Variants in ABHD17B observed in about 807,000 individuals in gnomAD.
ABHD17B encodes alpha/beta hydrolase domain-containing protein 17B.
Under a neutral mutation model 26.2 loss-of-function variants are expected in ABHD17B, and 9 were observed. The ratio of observed to expected loss-of-function variants is 0.34; its 90% CI spans 0.21 to 0.60. ABHD17B has a LOEUF of 0.60. ABHD17B is among the 20% of genes least tolerant of loss of function. The probability of loss-of-function intolerance (pLI) is 0.80; values close to 1 mark genes in which losing one functional copy is unlikely to be tolerated. For synonymous variants in ABHD17B, 127 were observed against 122.3 expected, an observed-to-expected ratio of 1.04 and a Z score of -0.25; for missense variants, 224 against 352.1, an observed-to-expected ratio of 0.64 and a Z score of 2.91.
At chr9:71,895,103 T>C (rs1040514582) in intron 1 of ABHD17B, among the ~76,000 whole-genome samples, 2 of 152,220 alleles carry the variant, frequency 1.3e-5, no homozygotes, top group Non-Finnish European at 2.9e-5. Flanking sequence ...GTTTAAAACT[T>C]TGCTAGGTTA....
chr9:71,902,120 C>A (rs1439589128), intron 1 of ABHD17B, among the ~76,000 whole-genome samples: 2 of 152,132 alleles, frequency 1.3e-5, no homozygotes, highest in Non-Finnish European at 2.9e-5. Context: ...CATCACTCCC[C>A]CTTCAAATAA....
At chr9:71,883,600 A>G (rs1826513885) in intron 1 of ABHD17B, among the ~76,000 whole-genome samples, 1 of 152,228 alleles carries the variant, frequency 6.6e-6, no homozygotes, top group Admixed American at 6.5e-5. Context: ...AAAGACAAAC[A>G]TTGGTAGATT....
chr9:71,868,308 T>C (rs984529492), intron 3 of ABHD17B, among the ~76,000 whole-genome samples: 5 of 152,204 alleles, frequency 3.3e-5, no homozygotes, highest in Non-Finnish European at 7.3e-5. Context: ...TAAATCTTGA[T>C]TGTCTGCTTA....
chr9:71,867,788 C>G (rs746804849), intron 3 of ABHD17B, among the ~76,000 whole-genome samples: 1 of 152,112 alleles, frequency 6.6e-6, no homozygotes, highest in South Asian at 2.1e-4. Context: ...GAGTTTAGAA[C>G]AGAGGTATCA....
At chr9:71,902,034 C>T (rs542677738) in intron 1 of ABHD17B, among the ~76,000 whole-genome samples, 1 of 152,254 alleles carries the variant, frequency 6.6e-6, no homozygotes, top group South Asian at 2.1e-4. Context: ...GGCTGTTCCT[C>T]GCTAAGAGAG....
intron 1 of ABHD17B, among the ~76,000 whole-genome samples, chr9:71,876,795 C>T (rs1826291481): frequency 6.6e-6 from 1 of 151,942 alleles, no homozygotes. Context: ...TTATAAGAAG[C>T]AGCAGAAAAA....
chr9:71,894,050 T>C (rs1220183369), intron 1 of ABHD17B, among the ~76,000 whole-genome samples: 3 of 122,718 alleles, frequency 2.4e-5, no homozygotes, highest in Non-Finnish European at 4.7e-5. Flanking sequence ...ATCGCACCAC[T>C]GCACTCCAGC....
chr9:71,890,249 C>A (rs1826743132), intron 1 of ABHD17B, among the ~76,000 whole-genome samples: 1 of 152,082 alleles, frequency 6.6e-6, no homozygotes, highest in African/African-American at 2.4e-5. Context: ...AAGTTTGTGC[C>A]ACAGCATTCC....
chr9:71,866,021 A>G lies in ABHD17B; in HGVS notation c.*766T>C. On this transcript the variant is annotated 3_prime_UTR_variant, in exon 4 of 4. Coordinates refer to ENST00000333421, the MANE Select transcript of ABHD17B (RefSeq NM_001025780.3). ...TCAAAATTTAAAACATCGTATACAAAATCATTCTTGAAATCTCTAAATGCC... is the reference window on the plus strand; with the variant it reads ...TCAAAATTTAAAACATCGTATACAAGATCATTCTTGAAATCTCTAAATGCC... 1.0e-6 allele frequency: 1 copy of G among 985,384 alleles called. No individual in the cohort carries two copies. The highest frequency in any genetic ancestry group is 4.7e-5 in the South Asian group (1 of 21,288). 61.0% of individuals were successfully genotyped at this position (985,384 alleles called of 1,614,324 possible).
At chr9:71,900,593 A>ACTCT (rs1457826513) in intron 1 of ABHD17B, among the ~76,000 whole-genome samples, 4 of 146,998 alleles carry the variant, frequency 2.7e-5, no homozygotes, top group Non-Finnish European at 5.9e-5. Flanking sequence ...CTGAGGTTGC[A>ACTCT]GTGAGCCAAG....
rs894177611 is a variant in ABHD17B, at chr9:71,903,574, C to A, written c.-4+7060G>T. Among the ~76,000 whole-genome samples, 9 of 152,244 alleles carry A rather than the reference C, an allele frequency of 5.9e-5. No individual in the cohort carries two copies. The East Asian group carries it at 1.5e-3, about 26-fold the overall frequency. On this transcript the variant is annotated intron_variant, in intron 1 of 3. Transcript: ENST00000333421. ...ACATATGGTAATTAATGGGCTAATA[C>A]CTGTAATATAATCTGAAGCTCTAGC...
intron 1 of ABHD17B, among the ~76,000 whole-genome samples, chr9:71,898,552 T>A (rs1024716645): frequency 4.0e-5 from 6 of 151,058 alleles, no homozygotes; most frequent in African/African-American, 1.5e-4. Flanking sequence ...GGCAGGAGAA[T>A]CGCTTGAACC....
intron 1 of ABHD17B, among the ~76,000 whole-genome samples, chr9:71,897,383 G>A (rs946431090): frequency 5.3e-5 from 8 of 152,164 alleles, no homozygotes; most frequent in Non-Finnish European, 1.0e-4. Flanking sequence ...TGGGTGTGGT[G>A]GCACACGCCT....
At chr9:71,886,367 C>G (rs551794144) in intron 1 of ABHD17B, among the ~76,000 whole-genome samples, 6 of 149,900 alleles carry the variant, frequency 4.0e-5, no homozygotes, top group Non-Finnish European at 7.4e-5. Flanking sequence ...TCAGGAGGAT[C>G]TCTTGAGGCC....
intron 1 of ABHD17B, among the ~76,000 whole-genome samples, chr9:71,907,230 G>C (rs1827311603): frequency 6.6e-6 from 1 of 152,098 alleles, no homozygotes; most frequent in Admixed American, 6.5e-5. Context: ...CCACCTAACA[G>C]TAAAAGTAAA....
chr9:71,891,469 A>T (rs1826782308), intron 1 of ABHD17B, among the ~76,000 whole-genome samples: 1 of 152,124 alleles, frequency 6.6e-6, no homozygotes, highest in South Asian at 2.1e-4. Flanking sequence ...ATATCTATAA[A>T]GCTTTTCTTT....
intron 1 of ABHD17B, among the ~76,000 whole-genome samples, chr9:71,876,769 C>T (rs1298241785): frequency 6.6e-6 from 1 of 152,000 alleles, no homozygotes; most frequent in Admixed American, 6.6e-5. Flanking sequence ...TCCTATAATG[C>T]TCAGTATAAA....
At chr9:71,898,688 CAT>C (rs556456883) in intron 1 of ABHD17B, among the ~76,000 whole-genome samples, 1 of 151,514 alleles carries the variant, frequency 6.6e-6, no homozygotes, top group Non-Finnish European at 1.5e-5. Context: ...CGGGTTTAGA[CAT>C]GTGAGAAATT....
Position 71,866,699 on chromosome 9 carries a change from G to A in ABHD17B, c.*88C>T. ...TTTATGAAGGCAACTGACATGATTT[G>A]CAAACAAAACCTTCAGGTTTTATGT... On this transcript the variant is annotated 3_prime_UTR_variant, in exon 4 of 4. Coordinates refer to ENST00000333421, the MANE Select transcript of ABHD17B (RefSeq NM_001025780.3). The A allele has an allele frequency of 3.3e-6, 5 of 1,531,480 alleles. No homozygotes were observed. Among genetic ancestry groups the A allele is most frequent in the Non-Finnish European group, 4.4e-6 (5 of 1,140,290 alleles). The allele number at this position is 1,531,480 out of a possible 1,614,324, so 94.9% of individuals were successfully genotyped here. A position where few individuals can be genotyped will look rare whatever the true frequency, so the allele number is the denominator to read the frequency against.
Sources: gnomAD v4.1 joint callset for allele counts (sites outside exome capture counted in the v4.1 genomes callset) on GRCh38, gnomAD v4.1.1 for gene constraint, MANE v1.5 for transcripts, NCBI Gene and HGNC (gene_info 2026-07-23, HGNC 2026-07-21) for gene names.